The following GUCY2D variants were observed in gnomAD, a reference collection of about 807,000 sequenced individuals.
The protein encoded by GUCY2D is guanylate cyclase 2D, retinal.
In GUCY2D, 70 loss-of-function variants were observed where a neutral mutation model predicts 101.3. The ratio of observed to expected loss-of-function variants is 0.69; its 90% CI spans 0.57 to 0.84. The LOEUF (loss-of-function observed/expected upper bound fraction) is 0.84, where lower values mean the gene tolerates loss of function less well. Ranked by LOEUF, GUCY2D falls within the 40% of genes least tolerant of loss-of-function variation. The probability of loss-of-function intolerance (pLI) is 0.00; values close to 1 mark genes in which losing one functional copy is unlikely to be tolerated. For synonymous variants in GUCY2D, 688 were observed against 670.7 expected, an observed-to-expected ratio of 1.03 and a Z score of -0.40; for missense variants, 1,460 against 1,542.5, an observed-to-expected ratio of 0.95 and a Z score of 0.90.
At chr17:8,012,639 G>T (rs367755752) in intron 10 of GUCY2D, 33 bp downstream of exon 10, 2 of 1,569,478 alleles carry the variant, frequency 1.3e-6, no homozygotes, top group African/African-American at 1.4e-5. Flanking sequence ...AGGATCCACC[G>T]GGATCCCCAT....
In GUCY2D at chr17:8,014,233, T is replaced by G; in HGVS notation, c.2412+205T>G. On this transcript the variant is annotated intron_variant, in intron 12 of 19. Transcript: ENST00000254854. The surrounding 1 kb of genome is among the most constrained non-coding windows in gnomAD (Gnocchi z 4.0). The stretch of plus-strand genomic sequence containing the variant: ...GCTTTTGGAGTGGGAGATAGAGTTC[T>G]GTCTGGGTGGGAGGAATATTCAATT... 1 of 631,744 alleles carries G rather than the reference T, an allele frequency of 1.6e-6. No individual in the cohort carries two copies. Among genetic ancestry groups the G allele is most frequent in the South Asian group, 1.8e-5 (1 of 55,084 alleles). 39.1% of individuals were successfully genotyped at this position (631,744 alleles called of 1,614,324 possible). A position where few individuals can be genotyped will look rare whatever the true frequency, so the allele number is the denominator to read the frequency against.
chr17:8,016,219 G>A lies in GUCY2D; in HGVS notation c.3153G>A (p.Glu1051=). The A allele has an allele frequency of 1.9e-6, 3 of 1,590,588 alleles. No individual in the cohort carries two copies. The highest frequency in any genetic ancestry group is 2.6e-6 in the Non-Finnish European group (3 of 1,168,764). The part of the protein sequence containing the change: ...GRTELKGKGA[E]DTFWLVGRRG... ...TGTCTCCCCAGGGCAAGGGCGCCGA[G>A]GACACTTTCTGGCTAGTGGGCAGAC... is the stretch of plus-strand genomic sequence containing the variant. Residue 1051 remains glutamate (E), a synonymous_variant, in exon 18 of 20, where the codon GAG becomes GAA. Coordinates refer to ENST00000254854, the MANE Select transcript of GUCY2D (RefSeq NM_000180.4).
chr17:8,012,515 G>T lies in GUCY2D; in HGVS notation c.2022G>T (p.Val674=), dbSNP rs1474094216. The change falls in exon 10 of 20, where the codon GTG becomes GTT. Residue 674 remains valine, a synonymous_variant. Coordinates refer to ENST00000254854, the MANE Select transcript of GUCY2D (RefSeq NM_000180.4). The stretch of plus-strand genomic sequence containing the variant: ...GGCTGAAGTCACGGAACTGCATAGT[G>T]GATGGCAGATTCGTACTCAAGATCA... ...HGRLKSRNCI[V]DGRFVLKITD... 6.2e-7 allele frequency: 1 copy of T among 1,613,880 alleles called. No homozygotes were observed. Among genetic ancestry groups the T allele is most frequent in the South Asian group, 1.1e-5 (1 of 91,072 alleles).
At position 8,007,993 on chromosome 17, in the gene GUCY2D, C is replaced by T; in HGVS notation, c.1629C>T (p.Pro543=). The T allele has an allele frequency of 2.5e-6, 4 of 1,613,678 alleles. No homozygotes were observed. The highest frequency in any genetic ancestry group is 2.5e-6 in the Non-Finnish European group (3 of 1,179,644). ...ARSMSDIRSG[P]SQHLDSPNIG... ...GCATGTCAGACATTCGCAGCGGCCC[C>T]AGCCAACACTTGGACAGCCCCAACA... The change falls in exon 7 of 20, where the codon CCC becomes CCT. Residue 543 remains proline, a synonymous_variant. Coordinates refer to ENST00000254854, the MANE Select transcript of GUCY2D (RefSeq NM_000180.4).
At position 8,004,126 on chromosome 17, in the gene GUCY2D, C is replaced by T. The variant is rs370166526; in HGVS notation, c.996C>T (p.Arg332=). 3.1e-6 allele frequency: 5 copies of T among 1,596,852 alleles called. No homozygotes were observed. The highest frequency in any genetic ancestry group is 3.3e-5 in the Admixed American group (2 of 59,874). The change falls in exon 3 of 20, where the codon CGC becomes CGT. Residue 332 remains arginine (R), a synonymous_variant. Transcript: ENST00000254854. ...LDSLRRAQER[R]ELPSDLNLQQ... is the part of the protein sequence containing the mutation. ...GCCTGCGCAGGGCTCAAGAGCGCCG[C>T]GAGCTGCCCTCTGACCTCAATCTGC...
At position 8,003,688 on chromosome 17, in the gene GUCY2D, C is replaced by T. The variant is rs1260958406; in HGVS notation, c.641C>T (p.Ser214Phe). ...ALRARGLPVA[S>F]VTSMEPLDLS... ...AGGGCCCGGGGCCTGCCTGTCGCCT[C>T]CGTGACTTCCATGGAGCCCTTGGAC... Residue 214 changes from serine to phenylalanine, a missense_variant, in exon 2 of 20, where the codon TCC (serine) becomes TTC (phenylalanine). Physicochemically the swap from Ser to Phe is radical, Grantham distance 155. Coordinates refer to ENST00000254854, the MANE Select transcript of GUCY2D (RefSeq NM_000180.4). 1.9e-6 allele frequency: 3 copies of T among 1,597,664 alleles called. No homozygotes were observed. The highest frequency in any genetic ancestry group is 1.1e-5 in the South Asian group (1 of 90,832).
intron 5 of GUCY2D, 121 bp from the exon 6 acceptor site, chr17:8,007,305 G>A: frequency 1.1e-6 from 1 of 895,432 alleles, no homozygotes; most frequent in Non-Finnish European, 1.9e-6. Flanking sequence ...TGTGTGCTTT[G>A]GGGATGGCTG....
rs944786267 is a variant in GUCY2D, at chr17:8,011,285, G to A, written c.1750-859G>A. ...TCCCAGCTATTCGGGAGGCTGAGACGGGAGAATCGCTTGAGCTCAGGATGC... is the reference window on the plus strand; with the variant it reads ...TCCCAGCTATTCGGGAGGCTGAGACAGGAGAATCGCTTGAGCTCAGGATGC... On this transcript the variant is annotated intron_variant, in intron 8 of 19. Transcript: ENST00000254854. The surrounding 1 kb of genome is among the most constrained non-coding windows in gnomAD (Gnocchi z 4.3). 2.6e-5 allele frequency among the ~76,000 whole-genome samples: 4 copies of A among 152,084 alleles called. No individual in the cohort carries two copies. The highest frequency in any genetic ancestry group is 2.1e-4 in the South Asian group (1 of 4,808).
Position 8,009,503 on chromosome 17 carries a change from C to A in GUCY2D, c.1669-3C>A, listed in dbSNP as rs767561967. ...TTCCCTACCCCCATCCTCTTTGCTG[C>A]AGGGAGACAGGGTTTGGCTGAAGAA... is the stretch of plus-strand genomic sequence containing the variant. On this transcript the variant is annotated splice_region_variant and splice_polypyrimidine_tract_variant and intron_variant, in intron 7 of 19. Transcript: ENST00000254854. 1 of 1,606,844 alleles carries A rather than the reference C, an allele frequency of 6.2e-7. No homozygotes were observed. The highest frequency in any genetic ancestry group is 8.5e-7 in the Non-Finnish European group (1 of 1,173,354).
At position 8,003,138 on chromosome 17, in the gene GUCY2D, C is replaced by G. The variant is rs1285350603; in HGVS notation, c.91C>G (p.Arg31Gly). 6.6e-7 allele frequency: 1 copy of G among 1,510,058 alleles called. No homozygotes were observed. The highest frequency in any genetic ancestry group is 8.8e-7 in the Non-Finnish European group (1 of 1,134,816). The allele number at this position is 1,510,058 out of a possible 1,614,324, so 93.5% of individuals were successfully genotyped here. A position where few individuals can be genotyped will look rare whatever the true frequency, so the allele number is the denominator to read the frequency against. Residue 31 changes from arginine (R) to glycine (G), a missense_variant, in exon 2 of 20, where the codon CGG becomes GGG. Arg to Gly is a moderately radical substitution (Grantham distance 125). Around this residue, in one of 3 missense-constraint regions of GUCY2D, gnomAD observed 1,196 missense variants for 1,229.6 expected, o/e 0.97. Transcript: ENST00000254854. ...WWAPSLPRLP[R>G]ALPRLPLLLL... ...GGCTCCGTCCCTGCCCCGCCTCCCCCGGGCCCTGCCCCGGCTCCCGCTCCT... is the reference window on the plus strand; with the variant it reads ...GGCTCCGTCCCTGCCCCGCCTCCCCGGGGCCCTGCCCCGGCTCCCGCTCCT...
Position 8,009,456 on chromosome 17 carries a change from C to T in GUCY2D, c.1669-50C>T, listed in dbSNP as rs371322812. Reference sequence around the variant, plus strand: ...GGGGAGGGGTTCTAGGGCTCCCCATCGTGGGATTTTAAGAGACTGAGTTCC... The same window carrying T: ...GGGGAGGGGTTCTAGGGCTCCCCATTGTGGGATTTTAAGAGACTGAGTTCC... On this transcript the variant is annotated intron_variant, in intron 7 of 19. Coordinates refer to ENST00000254854, the MANE Select transcript of GUCY2D (RefSeq NM_000180.4). 1.9e-4 allele frequency: 222 copies of T among 1,156,762 alleles called. 1 individual carries two copies. Among genetic ancestry groups the T allele is most frequent in the African/African-American group, 1.4e-3 (94 of 66,270 alleles). 71.7% of individuals were successfully genotyped at this position (1,156,762 alleles called of 1,614,324 possible). A position where few individuals can be genotyped will look rare whatever the true frequency, so the allele number is the denominator to read the frequency against.
Position 8,006,674 on chromosome 17 carries a change from C to A in GUCY2D, c.1338C>A (p.Asp446Glu). 1 of 1,611,700 alleles carries A rather than the reference C, an allele frequency of 6.2e-7. No homozygotes were observed. The change falls in exon 4 of 20, where the codon GAC becomes GAA. Residue 446 changes from aspartate to glutamate, a missense_variant. Asp to Glu is a conservative substitution (Grantham distance 45). Around this residue, in one of 3 missense-constraint regions of GUCY2D, gnomAD observed 1,196 missense variants for 1,229.6 expected, o/e 0.97. Coordinates refer to ENST00000254854, the MANE Select transcript of GUCY2D (RefSeq NM_000180.4). ...FPRGGSAPGP[D>E]PSCWFDPNNI... ...GTGGGGGATCAGCACCCGGACCTGACCCCTCGTGCTGGTTCGATCCAAACA... is the reference window on the plus strand; with the variant it reads ...GTGGGGGATCAGCACCCGGACCTGAACCCTCGTGCTGGTTCGATCCAAACA...
intron 18 of GUCY2D, 23 bp downstream of exon 18, chr17:8,016,313 A>AGGGCGAG (rs1341260897): frequency 1.6e-5 from 25 of 1,531,290 alleles, no homozygotes; most frequent in Non-Finnish European, 2.0e-5. Flanking sequence ...CCTCCGCGGC[A>AGGGCGAG]GGGCGAGGGA....
Position 8,015,059 on chromosome 17 carries a change from G to A in GUCY2D, c.2769+8G>A, listed in dbSNP as rs1221336629. On this transcript the variant is annotated splice_region_variant and intron_variant, in intron 14 of 19. Transcript: ENST00000254854. The stretch of plus-strand genomic sequence containing the variant: ...TCCCACGATGTCTACAAGGTGCAGT[G>A]TGTAGGGGACAAGCCCTCCTGACCT... 6.2e-7 allele frequency: 1 copy of A among 1,611,296 alleles called. No homozygotes were observed. Among genetic ancestry groups the A allele is most frequent in the East Asian group, 2.2e-5 (1 of 44,864 alleles).
At position 8,006,706 on chromosome 17, in the gene GUCY2D, G is replaced by T; in HGVS notation, c.1370G>T (p.Cys457Phe). ...TGCTGGTTCGATCCAAACAACATCTGCGGTGGAGGTGAGGGCGAGCACCCC... is the reference window on the plus strand; with the variant it reads ...TGCTGGTTCGATCCAAACAACATCTTCGGTGGAGGTGAGGGCGAGCACCCC... ...PSCWFDPNNI[C>F]GGGLEPGLVF... The change falls in exon 4 of 20, where the codon TGC becomes TTC. Residue 457 changes from cysteine to phenylalanine, a missense_variant. Physicochemically the swap from Cys to Phe is radical, Grantham distance 205. This residue lies in a region of GUCY2D where 1,196 missense variants were observed against 1,229.6 expected (regional missense o/e 0.97). Transcript: ENST00000254854. 1 of 1,605,812 alleles carries T rather than the reference G, an allele frequency of 6.2e-7. No individual in the cohort carries two copies. Among genetic ancestry groups the T allele is most frequent in the Non-Finnish European group, 8.5e-7 (1 of 1,175,906 alleles).
At chr17:8,015,646 T>C in intron 15 of GUCY2D, 97 bp from the exon 16 acceptor site, 2 of 1,188,588 alleles carry the variant, frequency 1.7e-6, no homozygotes, top group Non-Finnish European at 2.4e-6. Context: ...TTTGGGGGGC[T>C]GGTGGAGATA....
In GUCY2D at chr17:8,016,244, C is replaced by T; in HGVS notation, c.3178C>T (p.Arg1060Cys). The T allele has an allele frequency of 2.5e-6, 4 of 1,589,294 alleles. No homozygotes were observed. Among genetic ancestry groups the T allele is most frequent in the Non-Finnish European group, 3.4e-6 (4 of 1,168,316 alleles). ...AEDTFWLVGRRGFNKPIPKPP... is the reference protein window; with the variant it reads ...AEDTFWLVGRCGFNKPIPKPP... ...GGACACTTTCTGGCTAGTGGGCAGACGCGGCTTCAACAAGCCCATCCCCAA... is the reference window on the plus strand; with the variant it reads ...GGACACTTTCTGGCTAGTGGGCAGATGCGGCTTCAACAAGCCCATCCCCAA... Residue 1060 changes from arginine (R) to cysteine (C), a missense_variant, in exon 18 of 20, where the codon CGC becomes TGC. Coordinates refer to ENST00000254854, the MANE Select transcript of GUCY2D (RefSeq NM_000180.4).
At chr17:8,010,503 C>T (rs1332424350) in intron 8 of GUCY2D, among the ~76,000 whole-genome samples, 1 of 152,046 alleles carries the variant, frequency 6.6e-6, no homozygotes, top group African/African-American at 2.4e-5. Context: ...CCATTTAATA[C>T]CAGGTGTTTA....
chr17:8,007,738 G>T (rs1975774051), intron 6 of GUCY2D, among the ~76,000 whole-genome samples, 193 bp from the exon 7 acceptor site: 1 of 152,176 alleles, frequency 6.6e-6, no homozygotes. Context: ...GGGAGGTGAA[G>T]CTCCAACAAG....
Sources: gnomAD v4.1 joint callset for allele counts (sites outside exome capture counted in the v4.1 genomes callset) on GRCh38, gnomAD v4.1.1 for gene constraint, gnomAD v4.1.1 regional missense constraint, Gnocchi (gnomAD v3.1) non-coding constraint, MANE v1.5 for transcripts, NCBI Gene and HGNC (gene_info 2026-07-23, HGNC 2026-07-21) for gene names.